Variants in CDC42SE2 observed in about 807,000 individuals in gnomAD.
CDC42SE2 encodes the protein CDC42 small effector 2, also known as CDC42 small effector protein 2.
Under a neutral mutation model 11.5 loss-of-function variants are expected in CDC42SE2, and 3 were observed. That is an observed-to-expected ratio of 0.26 (90% CI 0.12 to 0.67). The LOEUF (loss-of-function observed/expected upper bound fraction) is 0.67, where lower values mean the gene tolerates loss of function less well. CDC42SE2 is among the 30% of genes least tolerant of loss of function. The pLI is 0.80. For synonymous variants in CDC42SE2, 33 were observed against 34.8 expected (o/e 0.95, Z 0.18); for missense variants, 82 against 106.8 (o/e 0.77, Z 1.02).
chr5:131,293,042 T>C (rs576074481), intron 1 of CDC42SE2, among the ~76,000 whole-genome samples: 2 of 152,222 alleles, frequency 1.3e-5, no homozygotes, highest in South Asian at 4.1e-4. Flanking sequence ...TTGTCAGATT[T>C]TAATAATCTA....
chr5:131,353,209 C>G (rs1749400918), intron 2 of CDC42SE2, among the ~76,000 whole-genome samples: 1 of 152,076 alleles, frequency 6.6e-6, no homozygotes, highest in East Asian at 1.9e-4. Flanking sequence ...CTCAAGCAAT[C>G]CTTGTGCCTC....
At chr5:131,212,121 GT>G in the CDC42SE2 span, among the ~76,000 whole-genome samples, 1 of 150,274 alleles carries the variant, frequency 6.7e-6, no homozygotes, top group East Asian at 1.9e-4. Context: ...TTGTTTTTTT[GT>G]TTTGAGACGG....
At chr5:131,333,789 C>G (rs931591378) in intron 2 of CDC42SE2, among the ~76,000 whole-genome samples, 11 of 152,124 alleles carry the variant, frequency 7.2e-5, no homozygotes, top group Non-Finnish European at 1.5e-4. Context: ...TATAAGAATG[C>G]TTGTGATTTT....
intron 1 of CDC42SE2, among the ~76,000 whole-genome samples, chr5:131,275,395 C>T (rs896448980): frequency 6.6e-6 from 1 of 151,340 alleles, no homozygotes; most frequent in Non-Finnish European, 1.5e-5. Flanking sequence ...CTCCCGGATT[C>T]AAGCAATTCT....
the CDC42SE2 span, among the ~76,000 whole-genome samples, chr5:131,216,501 C>CAAAAAAAAAAAAGAA: frequency 2.4e-5 from 1 of 42,170 alleles, no homozygotes; most frequent in African/African-American, 1.0e-4. Context: ...GAACCTGTCT[C>CAAAAAAAAAAAAGAA]AAAAAAAAAA....
Position 131,359,517 on chromosome 5 carries a change from C to T in CDC42SE2, c.24C>T (p.Phe8=). Residue 8 remains phenylalanine, a synonymous_variant, in exon 3 of 5, where the codon TTC becomes TTT. Transcript: ENST00000505065. The part of the protein sequence containing the change: MSEFWLC[F]NCCIAEQPQP... ...GCATGAGTGAATTCTGGTTGTGTTT[C>T]AACTGCTGTATTGCAGAACAGCCTC... The T allele has an allele frequency of 6.2e-7, 1 of 1,613,218 alleles. No individual in the cohort carries two copies. The highest frequency in any genetic ancestry group is 2.2e-5 in the East Asian group (1 of 44,868).
rs529597858 is a variant in CDC42SE2 at position 131,302,650 on chromosome 5, C to T, written c.-454-13326C>T. Among the ~76,000 whole-genome samples the T allele has an allele frequency of 3.3e-5, 5 of 152,276 alleles. No individual in the cohort carries two copies. The East Asian group carries it at 9.7e-4, about 29-fold the overall frequency. On this transcript the variant is annotated intron_variant, in intron 1 of 4. Coordinates refer to ENST00000505065, the MANE Select transcript of CDC42SE2 (RefSeq NM_001375635.1). ...TTTCTTAACTGCTATTCTATACTGC[C>T]TCCTTCAGCCATATTCTTTGTCTGG...
intron 1 of CDC42SE2, among the ~76,000 whole-genome samples, chr5:131,286,689 G>A (rs934907154): frequency 1.3e-5 from 2 of 151,674 alleles, no homozygotes; most frequent in South Asian, 2.1e-4. Context: ...AGATGATAAG[G>A]ATGAAGACTT....
intron 3 of CDC42SE2, among the ~76,000 whole-genome samples, chr5:131,381,561 G>C (rs1019901158): frequency 3.3e-5 from 5 of 152,144 alleles, no homozygotes; most frequent in African/African-American, 1.2e-4. Flanking sequence ...GACCTCAGGT[G>C]ATCCACCCGC....
chr5:131,363,017 G>A (rs1296784896), intron 3 of CDC42SE2, among the ~76,000 whole-genome samples: 1 of 151,954 alleles, frequency 6.6e-6, no homozygotes, highest in Non-Finnish European at 1.5e-5. Context: ...GATGTTATGT[G>A]CCTGAAGTCC....
intron 1 of CDC42SE2, among the ~76,000 whole-genome samples, chr5:131,310,342 T>G (rs1281974996): frequency 6.6e-6 from 1 of 151,670 alleles, no homozygotes; most frequent in Admixed American, 6.6e-5. Flanking sequence ...TCTTTTACAT[T>G]TGCTGAGGAG....
upstream of CDC42SE2, among the ~76,000 whole-genome samples, chr5:131,241,953 C>A (rs1756543718): frequency 6.6e-6 from 1 of 152,014 alleles, no homozygotes; most frequent in Admixed American, 6.6e-5. Context: ...ATATAAAAAT[C>A]TTTTATTTTT....
intron 3 of CDC42SE2, among the ~76,000 whole-genome samples, chr5:131,374,852 G>A (rs1750106817): frequency 6.6e-6 from 1 of 152,132 alleles, no homozygotes; most frequent in South Asian, 2.1e-4. Context: ...TTAGTTAGCT[G>A]TGGGACTTTG....
chr5:131,261,223 T>C (rs1756722409), upstream of CDC42SE2: 1 of 152,252 alleles, frequency 6.6e-6, no homozygotes, highest in African/African-American at 2.4e-5. Flanking sequence ...ATTATGTGAA[T>C]AAATTATGAA....
At chr5:131,238,412 A>G in the CDC42SE2 span, among the ~76,000 whole-genome samples, 1 of 151,258 alleles carries the variant, frequency 6.6e-6, no homozygotes, top group Non-Finnish European at 1.5e-5. Flanking sequence ...CTGAGGCAGG[A>G]GAATGGTGTG....
chr5:131,311,049 C>T (rs957604392), intron 1 of CDC42SE2, among the ~76,000 whole-genome samples: 1 of 151,298 alleles, frequency 6.6e-6, no homozygotes, highest in Admixed American at 6.6e-5. Context: ...ATGGTCTTTA[C>T]ATTTTGGCAT....
chr5:131,241,189 A>AG (rs918913491), upstream of CDC42SE2, among the ~76,000 whole-genome samples: 5 of 151,696 alleles, frequency 3.3e-5, no homozygotes, highest in Admixed American at 3.3e-4. Context: ...CATGTTAGCC[A>AG]GGATGGTCTC....
intron 1 of CDC42SE2, chr5:131,252,964 C>G (rs772860748): frequency 2.6e-5 from 4 of 152,224 alleles, no homozygotes; most frequent in Non-Finnish European, 5.9e-5. Flanking sequence ...TACTTCTAAA[C>G]TGCGCAACTT....
intron 1 of CDC42SE2, among the ~76,000 whole-genome samples, chr5:131,284,762 T>A (rs1459757824): frequency 6.6e-6 from 1 of 152,218 alleles, no homozygotes; most frequent in Non-Finnish European, 1.5e-5. Context: ...TGTAAGCTAC[T>A]GGGCCCAGCC....
Sources: allele counts gnomAD v4.1 joint callset (sites outside exome capture counted in the v4.1 genomes callset), GRCh38; gene constraint gnomAD v4.1.1; transcripts MANE v1.5; gene names NCBI Gene and HGNC (gene_info 2026-07-23, HGNC 2026-07-21).